Variants in RBPJ observed in about 807,000 individuals in gnomAD.
The protein encoded by RBPJ is recombining binding protein suppressor of hairless.
Under a neutral mutation model 67.8 loss-of-function variants are expected in RBPJ, and 9 were observed. That is an observed-to-expected ratio of 0.13 (90% CI 0.08 to 0.23). RBPJ has a LOEUF of 0.23. RBPJ is among the 10% of genes least tolerant of loss of function. The pLI, the probability that RBPJ is intolerant of heterozygous loss-of-function variation, is 1.00. For missense variants in RBPJ, 305 were observed against 595.6 expected, an observed-to-expected ratio of 0.51 and a Z score of 5.08; for synonymous variants, 198 against 203.3, an observed-to-expected ratio of 0.97 and a Z score of 0.22.
intron 1 of RBPJ, among the ~76,000 whole-genome samples, chr4:26,327,122 T>C (rs1039094868): frequency 1.3e-5 from 2 of 152,152 alleles, no homozygotes; most frequent in African/African-American, 4.8e-5. Flanking sequence ...GTATGCCTCT[T>C]AGGCCTGGCA....
At chr4:26,262,563 A>G (rs1017991313) in intron 1 of RBPJ, among the ~76,000 whole-genome samples, 4 of 152,090 alleles carry the variant, frequency 2.6e-5, no homozygotes, top group African/African-American at 7.2e-5. Flanking sequence ...TTCTTTGAAG[A>G]TTCTTCTTCC....
the RBPJ span, among the ~76,000 whole-genome samples, chr4:26,136,303 G>A: frequency 6.6e-6 from 1 of 152,294 alleles, no homozygotes; most frequent in African/African-American, 2.4e-5. Context: ...ACAAGATCTT[G>A]GCTCCCCAGC....
At chr4:26,214,034 C>T (rs1718526875) in intron 1 of RBPJ, among the ~76,000 whole-genome samples, 1 of 151,976 alleles carries the variant, frequency 6.6e-6, no homozygotes, top group Non-Finnish European at 1.5e-5. Flanking sequence ...CCTGTAATCC[C>T]AGCATTCTGG....
At chr4:26,366,290 T>G (rs1157339933) in intron 1 of RBPJ, among the ~76,000 whole-genome samples, 1 of 152,182 alleles carries the variant, frequency 6.6e-6, no homozygotes, top group Non-Finnish European at 1.5e-5. Context: ...TTGTTTTGTT[T>G]TGTTTTGTTT....
At chr4:26,117,424 C>T in the RBPJ span, among the ~76,000 whole-genome samples, 10 of 152,144 alleles carry the variant, frequency 6.6e-5, no homozygotes, top group Non-Finnish European at 1.5e-4. Context: ...AACCAAGACC[C>T]TCCACATGTC....
At chr4:26,125,950 G>A in the RBPJ span, among the ~76,000 whole-genome samples, 1 of 152,114 alleles carries the variant, frequency 6.6e-6, no homozygotes, top group African/African-American at 2.4e-5. Flanking sequence ...GTGTGCGGAT[G>A]GGGATACACC....
chr4:26,170,665 A>T (rs1221879548), intron 1 of RBPJ, among the ~76,000 whole-genome samples: 10 of 152,340 alleles, frequency 6.6e-5, no homozygotes, highest in Non-Finnish European at 2.9e-5. Flanking sequence ...TGATTCAACC[A>T]ATCAGTAATT....
the RBPJ span, among the ~76,000 whole-genome samples, chr4:26,128,842 A>C: frequency 6.6e-6 from 1 of 152,166 alleles, no homozygotes; most frequent in African/African-American, 2.4e-5. Flanking sequence ...TAAGTTTCAC[A>C]AGATCTGATG....
intron 1 of RBPJ, among the ~76,000 whole-genome samples, chr4:26,281,300 C>T (rs1011625256): frequency 3.9e-5 from 6 of 151,932 alleles, no homozygotes; most frequent in African/African-American, 9.7e-5. Context: ...TTTTTTGAGG[C>T]GGAGTTTCGC....
At chr4:26,402,742 C>T (rs1378335788) in intron 2 of RBPJ, among the ~76,000 whole-genome samples, 1 of 152,118 alleles carries the variant, frequency 6.6e-6, no homozygotes, top group Non-Finnish European at 1.5e-5. Context: ...TGTTTTTGTT[C>T]TGGGAGAGTC....
chr4:26,248,314 A>G (rs935605672), intron 1 of RBPJ, among the ~76,000 whole-genome samples: 5 of 152,132 alleles, frequency 3.3e-5, no homozygotes, highest in Admixed American at 1.3e-4. Flanking sequence ...TCAATCAATA[A>G]AATATACCCA....
intron 1 of RBPJ, among the ~76,000 whole-genome samples, chr4:26,352,542 G>A (rs1225871069): frequency 6.6e-6 from 1 of 152,182 alleles, no homozygotes; most frequent in Non-Finnish European, 1.5e-5. Context: ...GCTCACACCT[G>A]TACTCCCAGC....
At chr4:26,230,094 G>T (rs1313858414) in intron 1 of RBPJ, among the ~76,000 whole-genome samples, 1 of 152,002 alleles carries the variant, frequency 6.6e-6, no homozygotes, top group African/African-American at 2.4e-5. Context: ...GGAGGTTGAG[G>T]TGGGAGGATC....
At chr4:26,358,379 G>A (rs769309012) in intron 1 of RBPJ, among the ~76,000 whole-genome samples, 5 of 151,980 alleles carry the variant, frequency 3.3e-5, no homozygotes, top group East Asian at 1.9e-4. Context: ...ACAAAATTAC[G>A]TGCACTTTGA....
chr4:26,252,065 A>G (rs1560229947), intron 1 of RBPJ, among the ~76,000 whole-genome samples: 1 of 150,892 alleles, frequency 6.6e-6, no homozygotes, highest in Non-Finnish European at 1.5e-5. Context: ...TAAAAACTAT[A>G]ACAAGTTTTA....
At chr4:26,321,073 C>G in intron 1 of RBPJ, 25 bp downstream of exon 1, 2 of 1,570,188 alleles carry the variant, frequency 1.3e-6, no homozygotes, top group African/African-American at 1.4e-5. Context: ...ATCGGAGCGC[C>G]GGGAACCGGG....
chr4:26,136,733 G>T, the RBPJ span, among the ~76,000 whole-genome samples: 1 of 152,108 alleles, frequency 6.6e-6, no homozygotes, highest in East Asian at 1.9e-4. Flanking sequence ...GGTATTTTGT[G>T]CCAGGCACTA....
Position 26,424,664 on chromosome 4 carries a change from C to G in RBPJ, c.668C>G (p.Thr223Arg). Residue 223 changes from threonine (T) to arginine (R), a missense_variant, in exon 7 of 11, where the codon ACA (threonine) becomes AGA (arginine). This residue lies in a region of RBPJ where 66 missense variants were observed against 226.0 expected (regional missense o/e 0.29). Transcript: ENST00000355476. The surrounding 1 kb of genome is among the most constrained non-coding windows in gnomAD (Gnocchi z 5.3). Reference protein sequence around the residue: ...DDDESEGEEFTVRDGYIHYGQ... With the variant: ...DDDESEGEEFRVRDGYIHYGQ... The stretch of plus-strand genomic sequence containing the variant: ...GATGAATCAGAAGGAGAAGAATTCA[C>G]AGTCCGAGATGGCTACATCCATTAT... The G allele has an allele frequency of 1.2e-6, 2 of 1,613,308 alleles. No homozygotes were observed. The highest frequency in any genetic ancestry group is 1.7e-6 in the Non-Finnish European group (2 of 1,179,458).
the RBPJ span, among the ~76,000 whole-genome samples, chr4:26,133,079 G>C: frequency 2.0e-5 from 3 of 152,268 alleles, no homozygotes; most frequent in Non-Finnish European, 1.5e-5. Flanking sequence ...TGCCTGCCCT[G>C]AGGTGAAACC....
Sources: gnomAD v4.1 joint callset for allele counts (sites outside exome capture counted in the v4.1 genomes callset) on GRCh38, gnomAD v4.1.1 for gene constraint, gnomAD v4.1.1 regional missense constraint, Gnocchi (gnomAD v3.1) non-coding constraint, MANE v1.5 for transcripts, NCBI Gene and HGNC (gene_info 2026-07-23, HGNC 2026-07-21) for gene names.